The following HS3ST4 variants were observed in gnomAD, a reference collection of about 807,000 sequenced individuals.
HS3ST4 encodes heparan sulfate-glucosamine 3-sulfotransferase 4.
In HS3ST4, 17 loss-of-function variants were observed where a neutral mutation model predicts 29.2. The ratio of observed to expected loss-of-function variants is 0.58; its 90% confidence interval spans 0.40 to 0.87. The LOEUF is 0.87. Among genes scored for constraint, HS3ST4 ranks in the 40% least tolerant of loss-of-function variants. The pLI is 0.00. For synonymous variants in HS3ST4, 314 were observed against 285.7 expected, an observed-to-expected ratio of 1.10 and a Z score of -1.00; for missense variants, 627 against 634.5, an observed-to-expected ratio of 0.99 and a Z score of 0.13.
chr16:26,097,366 T>C (rs1054424652), intron 1 of HS3ST4, among the ~76,000 whole-genome samples: 14 of 152,208 alleles, frequency 9.2e-5, no homozygotes, highest in African/African-American at 2.9e-4. Context: ...AACAGCATGG[T>C]ACTGGTACCA....
In HS3ST4 at chr16:26,057,732, G is replaced by A. The variant is rs180830817; in HGVS notation, c.735-77880G>A. On this transcript the variant is annotated intron_variant, in intron 1 of 1. Coordinates refer to ENST00000331351, the MANE Select transcript of HS3ST4 (RefSeq NM_006040.3). ...GCACTCTAGCCTGGTGACAGAATGAGGCTCTGTCTCTAAAGATAAAGAAAG... is the reference window on the plus strand; with the variant it reads ...GCACTCTAGCCTGGTGACAGAATGAAGCTCTGTCTCTAAAGATAAAGAAAG... Among the ~76,000 whole-genome samples the A allele has an allele frequency of 2.0e-5, 3 of 152,294 alleles. No individual in the cohort carries two copies. The East Asian group carries it at 5.8e-4, about 29-fold the overall frequency.
At chr16:26,075,212 T>C (rs1898647732) in intron 1 of HS3ST4, among the ~76,000 whole-genome samples, 1 of 152,008 alleles carries the variant, frequency 6.6e-6, no homozygotes, top group Non-Finnish European at 1.5e-5. Flanking sequence ...ACTCACACCA[T>C]GTGTCATTAA....
At chr16:25,709,618 G>C (rs1294159890) in intron 1 of HS3ST4, among the ~76,000 whole-genome samples, 1 of 152,078 alleles carries the variant, frequency 6.6e-6, no homozygotes, top group East Asian at 1.9e-4. Context: ...GACACAAACA[G>C]AGCAGCTCAA....
At chr16:25,830,403 C>T (rs1006793576) in intron 1 of HS3ST4, among the ~76,000 whole-genome samples, 4 of 152,280 alleles carry the variant, frequency 2.6e-5, no homozygotes, top group Non-Finnish European at 5.9e-5. Context: ...TGTCCTGAGC[C>T]TCTGTCTTGC....
At chr16:26,058,831 T>C (rs1898442311) in intron 1 of HS3ST4, among the ~76,000 whole-genome samples, 1 of 152,052 alleles carries the variant, frequency 6.6e-6, no homozygotes, top group African/African-American at 2.4e-5. Flanking sequence ...AGGGAATAGG[T>C]GAGGTCCTAG....
intron 1 of HS3ST4, among the ~76,000 whole-genome samples, chr16:26,025,607 G>A (rs1011550922): frequency 1.3e-5 from 2 of 152,148 alleles, no homozygotes; most frequent in Non-Finnish European, 1.5e-5. Context: ...AGGGTACAGA[G>A]GGCTGATGAA....
At chr16:25,788,534 T>C (rs1027320675) in intron 1 of HS3ST4, among the ~76,000 whole-genome samples, 32 of 110,770 alleles carry the variant, frequency 2.9e-4, no homozygotes, top group African/African-American at 9.1e-4. Flanking sequence ...TTTTTTTTCT[T>C]TTCTTCTTTC....
chr16:25,701,308 C>T (rs1428637679), intron 1 of HS3ST4, among the ~76,000 whole-genome samples: 1 of 152,180 alleles, frequency 6.6e-6, no homozygotes, highest in Non-Finnish European at 1.5e-5. Context: ...ATTCCTAAAG[C>T]AATAATTGTG....
intron 1 of HS3ST4, among the ~76,000 whole-genome samples, chr16:25,847,290 T>TC (rs577885469): frequency 9.2e-5 from 14 of 152,218 alleles, no homozygotes; most frequent in Admixed American, 7.2e-4. Flanking sequence ...ATAATTGGGA[T>TC]CCCCCCCATA....
intron 1 of HS3ST4, among the ~76,000 whole-genome samples, chr16:25,876,157 T>C (rs1421184196): frequency 6.6e-6 from 1 of 152,178 alleles, no homozygotes; most frequent in Non-Finnish European, 1.5e-5. Context: ...TTCTTGAGCA[T>C]TCCCAGAATA....
rs200699173 is a variant in HS3ST4, at chr16:26,122,179, C to CAAAA, written c.735-13419_735-13416dup. ...TACTAAACATTGAGTATAAACTAAG[C>CAAAA]AAAAAAAAAAAAAAAAATCACATAT... On this transcript the variant is annotated intron_variant, in intron 1 of 1. Coordinates refer to ENST00000331351, the MANE Select transcript of HS3ST4 (RefSeq NM_006040.3). Among the ~76,000 whole-genome samples, 187 of 101,306 alleles carry CAAAA rather than the reference C, an allele frequency of 1.8e-3. 1 individual carries two copies. The highest frequency in any genetic ancestry group is 5.7e-3 in the African/African-American group (171 of 29,966). 66.5% of individuals were successfully genotyped at this position (101,306 alleles called of 152,430 possible).
intron 1 of HS3ST4, among the ~76,000 whole-genome samples, chr16:26,071,033 C>A (rs1166725705): frequency 6.6e-6 from 1 of 152,170 alleles, no homozygotes; most frequent in Non-Finnish European, 1.5e-5. Flanking sequence ...TATTTAAATG[C>A]CTCTCAGAAT....
At chr16:25,860,638 A>G (rs1437976602) in intron 1 of HS3ST4, among the ~76,000 whole-genome samples, 2 of 152,214 alleles carry the variant, frequency 1.3e-5, no homozygotes, top group East Asian at 3.8e-4. Context: ...ATACTCTGTG[A>G]TCTGACTGCA....
intron 1 of HS3ST4, among the ~76,000 whole-genome samples, chr16:25,853,242 A>C (rs1022359152): frequency 6.6e-6 from 1 of 151,754 alleles, no homozygotes; most frequent in African/African-American, 2.4e-5. Flanking sequence ...ATATCCCGCA[A>C]CTTTACTGTA....
intron 1 of HS3ST4, among the ~76,000 whole-genome samples, chr16:25,972,913 C>T (rs1968911223): frequency 6.6e-6 from 1 of 152,152 alleles, no homozygotes; most frequent in Non-Finnish European, 1.5e-5. Flanking sequence ...ATTATTATTA[C>T]TACTACTCTG....
intron 1 of HS3ST4, among the ~76,000 whole-genome samples, chr16:25,887,888 G>A (rs1339853582): frequency 6.6e-6 from 1 of 151,698 alleles, no homozygotes; most frequent in Non-Finnish European, 1.5e-5. Flanking sequence ...TAGTAGAGAC[G>A]GGGTTTCACC....
intron 1 of HS3ST4, among the ~76,000 whole-genome samples, chr16:26,118,052 C>A (rs1194260665): frequency 2.0e-5 from 3 of 152,110 alleles, no homozygotes; most frequent in Non-Finnish European, 2.9e-5. Flanking sequence ...AGAATGGTCA[C>A]AGAAAGTCTC....
intron 1 of HS3ST4, among the ~76,000 whole-genome samples, chr16:26,107,530 C>T (rs1032096138): frequency 1.3e-5 from 2 of 152,078 alleles, no homozygotes; most frequent in African/African-American, 4.8e-5. Context: ...AGTTTTTTAT[C>T]CCTCACTGCC....
intron 1 of HS3ST4, among the ~76,000 whole-genome samples, chr16:26,008,411 A>T (rs999166612): frequency 2.6e-5 from 4 of 152,206 alleles, no homozygotes; most frequent in Admixed American, 2.6e-4. Context: ...ACCCTGACAC[A>T]GGAAGGGTAC....
Sources: gnomAD v4.1 joint callset for allele counts (sites outside exome capture counted in the v4.1 genomes callset) on GRCh38, gnomAD v4.1.1 for gene constraint, MANE v1.5 for transcripts, NCBI Gene and HGNC (gene_info 2026-07-23, HGNC 2026-07-21) for gene names.